DOCK1: variants seen among roughly 807,000 people sequenced by gnomAD.
DOCK1 encodes the protein dedicator of cytokinesis protein 1.
DOCK1 carries 138 observed loss-of-function variants against 262.7 expected under a neutral mutation model. The ratio of observed to expected loss-of-function variants is 0.53; its 90% CI spans 0.46 to 0.61. The LOEUF is 0.61. Ranked by LOEUF, DOCK1 falls within the 20% of genes least tolerant of loss-of-function variation. The pLI is 0.00. For missense variants in DOCK1, 1,908 were observed against 2,370.7 expected (o/e 0.80, Z 4.05); for synonymous variants, 866 against 867.4 (o/e 1.00, Z 0.03).
intron 27 of DOCK1, among the ~76,000 whole-genome samples, chr10:127,181,144 T>C (rs2055693288): frequency 6.6e-6 from 1 of 152,216 alleles, no homozygotes; most frequent in Non-Finnish European, 1.5e-5. Context: ...TGATAAAGAA[T>C]GAAAATGAAT....
Position 127,012,180 on chromosome 10 carries a change from G to A in DOCK1, c.1059-52G>A. On this transcript the variant is annotated intron_variant, in intron 11 of 51. Coordinates refer to ENST00000623213, the MANE Select transcript of DOCK1 (RefSeq NM_001290223.2). The surrounding 1 kb of genome is among the most constrained non-coding windows in gnomAD (Gnocchi z 4.0). ...TGTTCCCTTGTTACCGTGGCCCATG[G>A]GTCTCTGTGCCCCTTTGTCTCCTGT... 1 of 957,806 alleles carries A rather than the reference G, an allele frequency of 1.0e-6. No individual in the cohort carries two copies. The highest frequency in any genetic ancestry group is 1.7e-6 in the Non-Finnish European group (1 of 591,110). The allele number at this position is 957,806 out of a possible 1,614,324, so 59.3% of individuals were successfully genotyped here.
chr10:127,325,271 A>C (rs1182861995), intron 29 of DOCK1, among the ~76,000 whole-genome samples: 1 of 152,222 alleles, frequency 6.6e-6, no homozygotes, highest in Non-Finnish European at 1.5e-5. Context: ...AAAGATTGGC[A>C]AGCAACTGAC....
chr10:127,275,638 G>C (rs1191167930), intron 29 of DOCK1, among the ~76,000 whole-genome samples: 1 of 152,170 alleles, frequency 6.6e-6, no homozygotes, highest in Non-Finnish European at 1.5e-5. Flanking sequence ...AGGTTCATGA[G>C]GGCAATGAGT....
intron 1 of DOCK1, among the ~76,000 whole-genome samples, chr10:126,909,984 C>G (rs188575343): frequency 6.6e-6 from 1 of 152,196 alleles, no homozygotes; most frequent in East Asian, 1.9e-4. Context: ...GCCTGACTTG[C>G]GTGCCTTCAC....
intron 37 of DOCK1, among the ~76,000 whole-genome samples, chr10:127,383,632 C>T (rs117704103): frequency 1.2e-4 from 19 of 152,334 alleles, no homozygotes; most frequent in Non-Finnish European, 8.8e-5. Flanking sequence ...CTCCCCAGCC[C>T]GTGGTTTCAG....
At chr10:126,917,867 G>A (rs1373379493) in intron 1 of DOCK1, among the ~76,000 whole-genome samples, 1 of 152,158 alleles carries the variant, frequency 6.6e-6, no homozygotes, top group Admixed American at 6.5e-5. Flanking sequence ...GTCTCCCCCA[G>A]GCGCATAAAG....
chr10:127,388,980 A>G (rs1456573933), intron 38 of DOCK1, among the ~76,000 whole-genome samples: 1 of 152,230 alleles, frequency 6.6e-6, no homozygotes, highest in Non-Finnish European at 1.5e-5. Flanking sequence ...TAGTCTCCCA[A>G]ATAACTCGGC....
intron 7 of DOCK1, 112 bp from the exon 8 acceptor site, chr10:126,997,980 G>A: frequency 7.2e-7 from 1 of 1,390,210 alleles, no homozygotes; most frequent in African/African-American, 1.4e-5. Flanking sequence ...CAAGGCCTTT[G>A]CTGGGTTATG....
rs1374427885 is a variant in DOCK1, at chr10:127,446,085, A to G, written c.5414-1309A>G. Reference sequence around the variant, plus strand: ...GTCAACATGGTAAAACCCCGTCTCTACTAAAAATACAATAATTAGCTGGGT... The same window carrying G: ...GTCAACATGGTAAAACCCCGTCTCTGCTAAAAATACAATAATTAGCTGGGT... On this transcript the variant is annotated intron_variant, in intron 50 of 51. Coordinates refer to ENST00000623213, the MANE Select transcript of DOCK1 (RefSeq NM_001290223.2). This position sits in a 1 kb window ranked among gnomAD's most constrained non-coding sequence, Gnocchi z 4.4. Among the ~76,000 whole-genome samples, 1 of 152,148 alleles carries G rather than the reference A, an allele frequency of 6.6e-6. No individual in the cohort carries two copies. Among genetic ancestry groups the G allele is most frequent in the Non-Finnish European group, 1.5e-5 (1 of 68,036 alleles).
chr10:127,282,395 C>G (rs2060994826), intron 29 of DOCK1, among the ~76,000 whole-genome samples: 1 of 152,160 alleles, frequency 6.6e-6, no homozygotes. Flanking sequence ...ACTTGCATCT[C>G]CGAGGTCCTG....
Position 126,912,643 on chromosome 10 carries a change from G to T in DOCK1, c.46+7080G>T, listed in dbSNP as rs549047316. Among the ~76,000 whole-genome samples, 6 of 150,592 alleles carry T rather than the reference G, an allele frequency of 4.0e-5. No homozygotes were observed. The East Asian group carries it at 1.2e-3, about 30-fold the overall frequency. On this transcript the variant is annotated intron_variant, in intron 1 of 51. Transcript: ENST00000623213. The stretch of plus-strand genomic sequence containing the variant: ...CGGGAGGCTGAGGCAGGAGAATGGC[G>T]TGAACCCGGGAGGCGGAGCTTGCAG...
chr10:127,285,843 G>A (rs2061131737), intron 29 of DOCK1, among the ~76,000 whole-genome samples: 1 of 152,184 alleles, frequency 6.6e-6, no homozygotes. Context: ...CTTTGTCACA[G>A]GAATCACCTG....
chr10:127,362,339 C>A, intron 33 of DOCK1, 127 bp downstream of exon 33: 2 of 1,102,692 alleles, frequency 1.8e-6, no homozygotes, highest in Non-Finnish European at 2.4e-6. Flanking sequence ...TTTCCTACAG[C>A]TTGAGAGAGA....
In DOCK1 at chr10:126,921,061, G is replaced by A. The variant is rs72832573; in HGVS notation, c.46+15498G>A. Among the ~76,000 whole-genome samples the A allele has an allele frequency of 3.4e-4, 51 of 152,086 alleles. No individual in the cohort carries two copies. The East Asian group carries it at 7.4e-3, about 22-fold the overall frequency. On this transcript the variant is annotated intron_variant, in intron 1 of 51. Coordinates refer to ENST00000623213, the MANE Select transcript of DOCK1 (RefSeq NM_001290223.2). ...AAAATACAAAAACAATTAGTTGGGC[G>A]TGGTGGTTCGCACCTGTAATACCAG...
At chr10:127,071,987 G>A (rs1236275770) in intron 23 of DOCK1, among the ~76,000 whole-genome samples, 1 of 152,120 alleles carries the variant, frequency 6.6e-6, no homozygotes, top group Non-Finnish European at 1.5e-5. Context: ...TGGCCATGGT[G>A]GCTTCAGTGC....
chr10:127,243,185 C>T (rs1396921267), intron 27 of DOCK1, among the ~76,000 whole-genome samples: 3 of 152,124 alleles, frequency 2.0e-5, no homozygotes, highest in African/African-American at 7.2e-5. Context: ...CTTCACAGCT[C>T]CTCAAGAATA....
rs1380197298 is a variant in DOCK1, at chr10:127,381,269, T to C, written c.3717-9T>C. 1 of 1,603,574 alleles carries C rather than the reference T, an allele frequency of 6.2e-7. No individual in the cohort carries two copies. Among genetic ancestry groups the C allele is most frequent in the Non-Finnish European group, 8.5e-7 (1 of 1,173,840 alleles). ...ATTTTAAGAACATACCTCTGTTTTA[T>C]TGTCTCAGGTATTTGTACAAGCTCT... On this transcript the variant is annotated splice_polypyrimidine_tract_variant and intron_variant, in intron 36 of 51. Transcript: ENST00000623213.
chr10:127,350,309 C>CG (rs2063824936), intron 31 of DOCK1, among the ~76,000 whole-genome samples: 4 of 119,980 alleles, frequency 3.3e-5, no homozygotes, highest in Non-Finnish European at 7.5e-5. Flanking sequence ...ACGGTGCACC[C>CG]CTCACCCCCT....
At chr10:127,388,709 G>A (rs7079520) in intron 38 of DOCK1, among the ~76,000 whole-genome samples, 42,510 of 152,078 alleles carry the variant, frequency 0.28, 6,710 homozygotes, top group Admixed American at 0.45. Context: ...GGACAGCAAA[G>A]AGTCCCCCGC....
Sources: allele counts gnomAD v4.1 joint callset (sites outside exome capture counted in the v4.1 genomes callset), GRCh38; gene constraint gnomAD v4.1.1; non-coding constraint Gnocchi (gnomAD v3.1); transcripts MANE v1.5; gene names NCBI Gene and HGNC (gene_info 2026-07-23, HGNC 2026-07-21).